GYG1: variants seen among roughly 807,000 people sequenced by gnomAD.
GYG1 encodes glycogenin 1, also known as glycogenin-1.
GYG1 carries 44 observed loss-of-function variants against 41.9 expected under a neutral mutation model. The ratio of observed to expected loss-of-function variants is 1.05; its 90% CI spans 0.83 to 1.35. The LOEUF (loss-of-function observed/expected upper bound fraction) is 1.35. GYG1 is among the 40% of genes most tolerant of loss of function. The pLI, the probability that GYG1 is intolerant of heterozygous loss-of-function variation, is 0.00. For missense variants in GYG1, 429 were observed against 418.9 expected (o/e 1.02, Z -0.21); for synonymous variants, 141 against 158.1 (o/e 0.89, Z 0.81).
intron 7 of GYG1, 67 bp from the exon 8 acceptor site, chr3:149,026,693 T>G (rs1714668629): frequency 8.0e-7 from 1 of 1,250,060 alleles, no homozygotes; most frequent in Admixed American, 1.7e-5. Flanking sequence ...CTGTCTTCAA[T>G]TTATTGCATT....
At chr3:149,004,707 C>G (rs944193992) in intron 4 of GYG1, among the ~76,000 whole-genome samples, 6 of 152,142 alleles carry the variant, frequency 3.9e-5, no homozygotes, top group Non-Finnish European at 8.8e-5. Flanking sequence ...CCTGTGTTGT[C>G]CCCTCTGGAG....
chr3:148,992,532 C>T (rs1466143291), intron 1 of GYG1: 2 of 152,288 alleles, frequency 1.3e-5, no homozygotes, highest in East Asian at 3.8e-4. Flanking sequence ...CATCCATATC[C>T]TTGCTTCCAG....
At chr3:149,026,526 C>G (rs749466611) in intron 7 of GYG1, 24 bp downstream of exon 7, 2 of 1,492,456 alleles carry the variant, frequency 1.3e-6, no homozygotes, top group Admixed American at 1.7e-5. Context: ...AAAGATTAAC[C>G]CTAATTACTT....
rs372271177 is a variant in GYG1 at position 148,997,545 on chromosome 3, C to T, written c.481+641C>T. Among the ~76,000 whole-genome samples the T allele has an allele frequency of 3.9e-5, 6 of 152,222 alleles. No individual in the cohort carries two copies. The East Asian group carries it at 5.8e-4, about 15-fold the overall frequency. ...AATGGTTCTGTCTGTGATATAGGGC[C>T]TCACATCTTTTGGAGAAGTTGATCA... is the stretch of plus-strand genomic sequence containing the variant. On this transcript the variant is annotated intron_variant, in intron 4 of 7. Coordinates refer to ENST00000345003, the MANE Select transcript of GYG1 (RefSeq NM_004130.4).
intron 5 of GYG1, among the ~76,000 whole-genome samples, chr3:149,016,797 C>T (rs776985301): frequency 1.2e-4 from 18 of 152,122 alleles, no homozygotes; most frequent in Non-Finnish European, 1.8e-4. Context: ...ATTGTGAGTG[C>T]GTGAGAGAGG....
At chr3:149,005,231 TAGAA>T (rs1713323551) in intron 4 of GYG1, among the ~76,000 whole-genome samples, 1 of 152,140 alleles carries the variant, frequency 6.6e-6, no homozygotes, top group Non-Finnish European at 1.5e-5. Context: ...AAAGAGTATT[TAGAA>T]AGAAAAGATC....
rs765162592 is a variant in GYG1, at chr3:148,991,613, C to A, written c.-28C>A. ...CTCTGAGTCACCAACCTGAGGCTGC[C>A]CCGGCCGCCTGCGCACCCGGCAGCA... On this transcript the variant is annotated 5_prime_UTR_variant, in exon 1 of 8. Transcript: ENST00000345003. The A allele has an allele frequency of 1.8e-5, 28 of 1,555,244 alleles. No homozygotes were observed. Among genetic ancestry groups the A allele is most frequent in the Admixed American group, 5.5e-5 (3 of 54,834 alleles).
intron 1 of GYG1, chr3:148,992,559 C>T (rs1364748496): frequency 6.6e-6 from 1 of 152,286 alleles, no homozygotes; most frequent in Admixed American, 6.5e-5. Context: ...TTGAATCCTG[C>T]TCACCTTATT....
intron 5 of GYG1, among the ~76,000 whole-genome samples, chr3:149,015,576 G>C (rs759444498): frequency 1.2e-4 from 18 of 152,220 alleles, no homozygotes; most frequent in Non-Finnish European, 2.1e-4. Flanking sequence ...TATGAGGTCA[G>C]ATACAAGACA....
intron 4 of GYG1, among the ~76,000 whole-genome samples, chr3:149,008,631 A>G (rs1713545437): frequency 6.6e-6 from 1 of 152,160 alleles, no homozygotes; most frequent in African/African-American, 2.4e-5. Context: ...CCTTCACTGC[A>G]TTCATCTCCA....
rs1041260253 is a variant in GYG1, at chr3:149,017,567, A to C, written c.609-6486A>C. On this transcript the variant is annotated intron_variant, in intron 5 of 7. Coordinates refer to ENST00000345003, the MANE Select transcript of GYG1 (RefSeq NM_004130.4). ...TGAAGTATTTTGCTTTTATTTATTT[A>C]TTTCTTTTATTTAGGTTTTTTTTTT... 5.7e-3 allele frequency among the ~76,000 whole-genome samples: 181 copies of C among 31,558 alleles called. 1 individual carries two copies. Among genetic ancestry groups the C allele is most frequent in the Middle Eastern group, 0.031 (1 of 32 alleles). The allele number at this position is 31,558 out of a possible 152,430, so 20.7% of individuals were successfully genotyped here.
chr3:149,014,867 CAAAA>C (rs113311454), intron 5 of GYG1, among the ~76,000 whole-genome samples: 3 of 111,010 alleles, frequency 2.7e-5, no homozygotes, highest in Admixed American at 9.4e-5. Context: ...GACTCTGTCT[CAAAA>C]AAAAAAAAAA....
At chr3:149,013,920 C>G (rs1273472033) in intron 5 of GYG1, among the ~76,000 whole-genome samples, 2 of 152,186 alleles carry the variant, frequency 1.3e-5, no homozygotes, top group African/African-American at 2.4e-5. Context: ...TTGGGTCACT[C>G]TTTTTTTCCA....
intron 7 of GYG1, 89 bp downstream of exon 7, chr3:149,026,591 T>A: frequency 2.9e-6 from 3 of 1,036,762 alleles, no homozygotes; most frequent in Non-Finnish European, 3.1e-6. Context: ...TAGGAAAAAA[T>A]CATATAATCT....
intron 5 of GYG1, among the ~76,000 whole-genome samples, chr3:149,021,065 C>G (rs1714346225): frequency 6.6e-6 from 1 of 152,200 alleles, no homozygotes; most frequent in Non-Finnish European, 1.5e-5. Context: ...CTTTCCCATG[C>G]ATTGTCCCTG....
chr3:149,010,744 A>T (rs1188451383), intron 5 of GYG1, among the ~76,000 whole-genome samples: 1 of 152,190 alleles, frequency 6.6e-6, no homozygotes, highest in Non-Finnish European at 1.5e-5. Flanking sequence ...AACTAAGAAG[A>T]TGATTTAGAT....
rs754894347 is a variant in GYG1, at chr3:149,024,245, C to A, written c.801C>A (p.Val267=). The A allele has an allele frequency of 6.2e-7, 1 of 1,608,372 alleles. No homozygotes were observed. Among genetic ancestry groups the A allele is most frequent in the Middle Eastern group, 1.7e-4 (1 of 6,054 alleles). Residue 267 remains valine, a synonymous_variant, in exon 6 of 8, where the codon GTC becomes GTA. Coordinates refer to ENST00000345003, the MANE Select transcript of GYG1 (RefSeq NM_004130.4). ...CTCTGCTTCAACAATTTGGCCTTGTCAAAGACACCTGCTCATATGTAAATG... is the reference window on the plus strand; with the variant it reads ...CTCTGCTTCAACAATTTGGCCTTGTAAAAGACACCTGCTCATATGTAAATG... ...VLPLLQQFGL[V]KDTCSYVNVL...
rs71617495 is a variant in GYG1 at position 149,022,498 on chromosome 3, CTT to C, written c.609-1538_609-1537del. ...AACAGTACCTTTTTTCTTGTTTTGC[CTT>C]TTTTTTTTTTTTTTTTGAGATGGAG... On this transcript the variant is annotated intron_variant, in intron 5 of 7. Coordinates refer to ENST00000345003, the MANE Select transcript of GYG1 (RefSeq NM_004130.4). Among the ~76,000 whole-genome samples the C allele has an allele frequency of 1.6e-4, 11 of 69,584 alleles. 1 individual carries two copies. The highest frequency in any genetic ancestry group is 4.8e-4 in the East Asian group (1 of 2,084). The allele number at this position is 69,584 out of a possible 152,430, so 45.6% of individuals were successfully genotyped here. A position where few individuals can be genotyped will look rare whatever the true frequency, so the allele number is the denominator to read the frequency against.
intron 5 of GYG1, among the ~76,000 whole-genome samples, chr3:149,016,422 T>C (rs1714046761): frequency 1.3e-5 from 2 of 152,134 alleles, no homozygotes; most frequent in Admixed American, 1.3e-4. Flanking sequence ...AGGCTAAGAA[T>C]GACATGCTGC....
Sources: gnomAD v4.1 joint callset for allele counts (sites outside exome capture counted in the v4.1 genomes callset) on GRCh38, gnomAD v4.1.1 for gene constraint, MANE v1.5 for transcripts, NCBI Gene and HGNC (gene_info 2026-07-23, HGNC 2026-07-21) for gene names.